ESRRG: variants seen among roughly 807,000 people sequenced by gnomAD.
ESRRG encodes estrogen-related receptor gamma.
A neutral mutation model predicts 44.0 loss-of-function variants in ESRRG; 13 were observed. The ratio of observed to expected loss-of-function variants is 0.30; its 90% CI spans 0.19 to 0.47. The LOEUF (loss-of-function observed/expected upper bound fraction) is 0.47. Ranked by LOEUF, ESRRG falls within the 20% of genes least tolerant of loss-of-function variation. The pLI is 1.00. For synonymous variants in ESRRG, 215 were observed against 214.6 expected, an observed-to-expected ratio of 1.00 and a Z score of -0.02; for missense variants, 395 against 580.6, an observed-to-expected ratio of 0.68 and a Z score of 3.29.
chr1:217,055,946 C>T (rs868500495), intron 1 of ESRRG, among the ~76,000 whole-genome samples: 1 of 152,150 alleles, frequency 6.6e-6, no homozygotes, highest in East Asian at 1.9e-4. Flanking sequence ...CCTAGGCTCA[C>T]CAAACTGTAT....
At chr1:216,881,324 C>T (rs1013458688) in intron 2 of ESRRG, among the ~76,000 whole-genome samples, 2 of 152,112 alleles carry the variant, frequency 1.3e-5, no homozygotes, top group East Asian at 1.9e-4. Context: ...ATAGCGTCCT[C>T]ATCTGAAGAA....
chr1:216,877,997 C>G (rs766225504), intron 2 of ESRRG, among the ~76,000 whole-genome samples: 1 of 152,152 alleles, frequency 6.6e-6, no homozygotes, highest in African/African-American at 2.4e-5. Context: ...CTTTGGGAGG[C>G]ATATCAGGAA....
Position 216,623,217 on chromosome 1 carries a change from G to A in ESRRG, c.589+27756C>T, listed in dbSNP as rs2062600941. Among the ~76,000 whole-genome samples, 5 of 151,150 alleles carry A rather than the reference G, an allele frequency of 3.3e-5. No homozygotes were observed. The Admixed American group carries it at 3.3e-4, about 10-fold the overall frequency. On this transcript the variant is annotated intron_variant, in intron 3 of 6. Coordinates refer to ENST00000408911, the MANE Select transcript of ESRRG (RefSeq NM_001438.4). ...CCTGCCTCAGCCTCCCGAGTTGCTG[G>A]GACTACAGGGGCCCACCACCACGCC...
chr1:216,682,503 G>C (rs891639459), intron 1 of ESRRG, among the ~76,000 whole-genome samples: 1 of 152,080 alleles, frequency 6.6e-6, no homozygotes, highest in Non-Finnish European at 1.5e-5. Flanking sequence ...GAGATAAGAA[G>C]AGTCCTCAGC....
chr1:217,116,694 G>A (rs116514435), intron 1 of ESRRG, among the ~76,000 whole-genome samples: 316 of 152,258 alleles, frequency 2.1e-3, no homozygotes, highest in African/African-American at 7.2e-3. Flanking sequence ...TACTTACAAA[G>A]ACAGTGTGGG....
At chr1:216,575,690 AC>A (rs2061567311) in intron 3 of ESRRG, among the ~76,000 whole-genome samples, 1 of 152,102 alleles carries the variant, frequency 6.6e-6, no homozygotes, top group Non-Finnish European at 1.5e-5. Context: ...TGCAGAACTC[AC>A]GTTCTTAAGC....
chr1:217,032,948 T>G (rs979541863), intron 1 of ESRRG, among the ~76,000 whole-genome samples: 1 of 152,146 alleles, frequency 6.6e-6, no homozygotes, highest in African/African-American at 2.4e-5. Flanking sequence ...TCTCCACTGA[T>G]AGCCTTCGGC....
At chr1:217,105,742 T>A (rs2092584271) in intron 1 of ESRRG, among the ~76,000 whole-genome samples, 1 of 152,174 alleles carries the variant, frequency 6.6e-6, no homozygotes, top group Non-Finnish European at 1.5e-5. Flanking sequence ...ACCTGGACAA[T>A]CAGCCTAGCA....
intron 2 of ESRRG, among the ~76,000 whole-genome samples, chr1:216,933,044 C>G (rs900981546): frequency 1.3e-5 from 2 of 151,978 alleles, no homozygotes; most frequent in Non-Finnish European, 2.9e-5. Context: ...CTTTTATCTT[C>G]TCTGTAACTC....
intron 5 of ESRRG, among the ~76,000 whole-genome samples, chr1:216,558,504 T>C (rs1558482429): frequency 6.6e-6 from 1 of 152,220 alleles, no homozygotes; most frequent in Non-Finnish European, 1.5e-5. Flanking sequence ...TTTATGAATA[T>C]GAACTTTTTA....
chr1:217,098,525 C>T (rs192079659), intron 1 of ESRRG, among the ~76,000 whole-genome samples: 98 of 152,180 alleles, frequency 6.4e-4, no homozygotes, highest in African/African-American at 2.3e-3. Context: ...TTCCTGGAGC[C>T]CCTCAGAAGC....
chr1:216,817,634 T>C (rs1279943383), intron 2 of ESRRG, among the ~76,000 whole-genome samples: 1 of 152,226 alleles, frequency 6.6e-6, no homozygotes, highest in Admixed American at 6.5e-5. Context: ...CATTTTTTAA[T>C]TTCATGCATT....
exon 1 of ESRRG, chr1:217,137,683 C>G (rs2093067931): frequency 6.5e-6 from 1 of 152,812 alleles, no homozygotes; most frequent in African/African-American, 2.4e-5. Flanking sequence ...GGCCTTCCCG[C>G]TCCAATTGCT....
intron 2 of ESRRG, among the ~76,000 whole-genome samples, chr1:216,872,868 T>A (rs985664841): frequency 1.3e-5 from 2 of 152,174 alleles, no homozygotes; most frequent in African/African-American, 4.8e-5. Flanking sequence ...GCCAAATAAT[T>A]TTAGATAGTA....
At chr1:217,071,241 C>T (rs1408794446) in intron 1 of ESRRG, among the ~76,000 whole-genome samples, 1 of 152,044 alleles carries the variant, frequency 6.6e-6, no homozygotes, top group African/African-American at 2.4e-5. Context: ...TGGGTCTCTC[C>T]TTCATTGCAA....
chr1:217,026,020 C>T (rs1296591749), intron 1 of ESRRG, among the ~76,000 whole-genome samples: 1 of 152,100 alleles, frequency 6.6e-6, no homozygotes, highest in African/African-American at 2.4e-5. Context: ...GCCCATGACC[C>T]CCAGCAGAGG....
chr1:216,620,524 A>G (rs542852790), intron 3 of ESRRG, among the ~76,000 whole-genome samples: 1 of 152,304 alleles, frequency 6.6e-6, no homozygotes, highest in Non-Finnish European at 1.5e-5. Context: ...TGGCAAACCT[A>G]TAAAAAGAAT....
At chr1:216,687,689 C>T (rs557243106) in intron 1 of ESRRG, among the ~76,000 whole-genome samples, 51 of 152,304 alleles carry the variant, frequency 3.3e-4, no homozygotes, top group African/African-American at 1.1e-3. Context: ...AATCTCTAGA[C>T]CACTCCAAGG....
At chr1:217,083,976 G>A (rs76177666) in intron 1 of ESRRG, among the ~76,000 whole-genome samples, 2,227 of 152,258 alleles carry the variant, frequency 0.015, 37 homozygotes, top group African/African-American at 0.037. Flanking sequence ...GAACACTGGT[G>A]AGCAGAAGAT....
Sources: allele counts gnomAD v4.1 joint callset (sites outside exome capture counted in the v4.1 genomes callset), GRCh38; gene constraint gnomAD v4.1.1; transcripts MANE v1.5; gene names NCBI Gene and HGNC (gene_info 2026-07-23, HGNC 2026-07-21).